C10orf67: variants seen among roughly 807,000 people sequenced by gnomAD.
C10orf67 encodes the protein chromosome 10 open reading frame 67, also known as uncharacterized protein C10orf67, mitochondrial.
Under a neutral mutation model 35.6 loss-of-function variants are expected in C10orf67, and 60 were observed. The observed-to-expected ratio is 1.68, with a 90% CI of 1.37 to 2.09. The LOEUF (loss-of-function observed/expected upper bound fraction) is 2.09, where lower values mean the gene tolerates loss of function less well. C10orf67 is among the 30% of genes most tolerant of loss of function. C10orf67 has a pLI of 0.00. For missense variants in C10orf67, 474 were observed against 330.2 expected (o/e 1.44, Z -3.38); for synonymous variants, 167 against 115.8 (o/e 1.44, Z -2.84).
At chr10:23,333,977 T>C (rs1048738668) in intron 1 of C10orf67, among the ~76,000 whole-genome samples, 1 of 152,130 alleles carries the variant, frequency 6.6e-6, no homozygotes, top group Admixed American at 6.6e-5. Context: ...AAAAATAAAA[T>C]AAAATAAATA....
chr10:23,295,524 A>G (rs1843856321), intron 5 of C10orf67, among the ~76,000 whole-genome samples: 1 of 152,222 alleles, frequency 6.6e-6, no homozygotes, highest in Non-Finnish European at 1.5e-5. Flanking sequence ...ATACATGAAT[A>G]TTTCTTCAAA....
chr10:23,245,737 C>A (rs1588611808), intron 12 of C10orf67, among the ~76,000 whole-genome samples: 1 of 152,044 alleles, frequency 6.6e-6, no homozygotes, highest in Non-Finnish European at 1.5e-5. Context: ...AAAAGGGAAC[C>A]CTTGCACACT....
At chr10:23,267,295 A>C (rs1045571041) in intron 8 of C10orf67, 41 bp from the exon 9 acceptor site, 26 of 667,586 alleles carry the variant, frequency 3.9e-5, no homozygotes, top group Middle Eastern at 2.8e-4. Flanking sequence ...ATTATCTGCA[A>C]AGATTAAAAA....
At chr10:23,263,211 G>T (rs1842798160) in intron 10 of C10orf67, among the ~76,000 whole-genome samples, 1 of 152,170 alleles carries the variant, frequency 6.6e-6, no homozygotes, top group South Asian at 2.1e-4. Context: ...ATGGAATAAT[G>T]AAACAGTAAG....
intron 7 of C10orf67, among the ~76,000 whole-genome samples, chr10:23,283,301 T>C (rs1356254682): frequency 6.6e-6 from 1 of 152,216 alleles, no homozygotes; most frequent in Non-Finnish European, 1.5e-5. Flanking sequence ...TCAATTGCTG[T>C]TTGTGTGTGT....
rs1280105978 is a variant in C10orf67 at position 23,229,789 on chromosome 10, A to G, written c.1435-5971T>C. Among the ~76,000 whole-genome samples the G allele has an allele frequency of 3.3e-5, 5 of 152,194 alleles. No individual in the cohort carries two copies. The South Asian group carries it at 1.0e-3, about 31-fold the overall frequency. On this transcript the variant is annotated intron_variant, in intron 13 of 15. Transcript: ENST00000636213. ...CCTAAGATTACATCTAAAAAAAGGT[A>G]CTTTCAAGACTTCTATAGAGTTATA...
chr10:23,261,144 C>CT (rs1588626251), intron 10 of C10orf67, among the ~76,000 whole-genome samples: 1 of 151,970 alleles, frequency 6.6e-6, no homozygotes, highest in Non-Finnish European at 1.5e-5. Context: ...TAGATAACTT[C>CT]TTTTTCTTTT....
At chr10:23,218,320 T>C (rs1178183623) in intron 15 of C10orf67, among the ~76,000 whole-genome samples, 3 of 150,166 alleles carry the variant, frequency 2.0e-5, no homozygotes, top group African/African-American at 7.4e-5. Flanking sequence ...TTTTTTTTTT[T>C]TTTTTTTTGT....
intron 10 of C10orf67, 137 bp downstream of exon 10, chr10:23,266,125 T>C (rs978500287): frequency 1.5e-5 from 6 of 390,492 alleles, no homozygotes; most frequent in African/African-American, 1.1e-4. Flanking sequence ...GGTTTAGAAA[T>C]AGGCAGCTGG....
chr10:23,234,971 C>T (rs1439274928), intron 13 of C10orf67, among the ~76,000 whole-genome samples: 1 of 130,178 alleles, frequency 7.7e-6, no homozygotes, highest in Non-Finnish European at 1.6e-5. Context: ...GAGATCGCAC[C>T]ATTGCACTCC....
intron 7 of C10orf67, among the ~76,000 whole-genome samples, chr10:23,286,085 G>A (rs1389782788): frequency 6.6e-6 from 1 of 151,984 alleles, no homozygotes; most frequent in Non-Finnish European, 1.5e-5. Context: ...TGAAGAGCTT[G>A]AGAAACATTT....
At chr10:23,302,899 A>G (rs1212839182) in intron 5 of C10orf67, among the ~76,000 whole-genome samples, 1 of 152,074 alleles carries the variant, frequency 6.6e-6, no homozygotes, top group Admixed American at 6.6e-5. Flanking sequence ...TTCTGTTCCA[A>G]GTTGGCTTCT....
At chr10:23,306,432 G>A (rs1366319110) in intron 4 of C10orf67, among the ~76,000 whole-genome samples, 1 of 151,232 alleles carries the variant, frequency 6.6e-6, no homozygotes, top group Non-Finnish European at 1.5e-5. Context: ...GTTGAGGCAG[G>A]AGAATCACTT....
chr10:23,210,340 T>A (rs1350188614), intron 15 of C10orf67, among the ~76,000 whole-genome samples: 1 of 152,182 alleles, frequency 6.6e-6, no homozygotes, highest in Admixed American at 6.5e-5. Context: ...GGTGGTGTTC[T>A]CCAGGACAAA....
At chr10:23,305,691 G>A (rs551474044) in intron 4 of C10orf67, among the ~76,000 whole-genome samples, 8 of 152,170 alleles carry the variant, frequency 5.3e-5, no homozygotes, top group African/African-American at 9.6e-5. Context: ...TATTGGCAAC[G>A]GTATGGAGAA....
intron 1 of C10orf67, 59 bp from the exon 2 acceptor site, chr10:23,333,241 G>A (rs1252406314): frequency 2.8e-6 from 4 of 1,439,760 alleles, no homozygotes; most frequent in Non-Finnish European, 3.8e-6. Flanking sequence ...AGAAATAGAT[G>A]TTAATGCGTC....
Position 23,204,140 on chromosome 10 carries a change from G to T in C10orf67, c.*33C>A. On this transcript the variant is annotated 3_prime_UTR_variant, in exon 16 of 16. Coordinates refer to ENST00000636213, the MANE Select transcript of C10orf67 (RefSeq NM_001371909.1). ...AGGACGGCGAGGCCACTCTTTCTGA[G>T]GCCCCGTCTGCGCAGCCCAGGCTTC... 2 of 491,026 alleles carry T rather than the reference G, an allele frequency of 4.1e-6. No individual in the cohort carries two copies. 30.4% of individuals were successfully genotyped at this position (491,026 alleles called of 1,614,324 possible).
At chr10:23,232,705 A>G (rs952453898) in intron 13 of C10orf67, among the ~76,000 whole-genome samples, 4 of 152,162 alleles carry the variant, frequency 2.6e-5, no homozygotes, top group African/African-American at 4.8e-5. Flanking sequence ...CAAACCAGAA[A>G]AGTTTCCAAA....
At chr10:23,292,005 G>A (rs564463240) in intron 5 of C10orf67, among the ~76,000 whole-genome samples, 3 of 152,136 alleles carry the variant, frequency 2.0e-5, no homozygotes, top group South Asian at 2.1e-4. Context: ...GAAGGTTTCA[G>A]GATAACTTAC....
Sources: allele counts gnomAD v4.1 joint callset (sites outside exome capture counted in the v4.1 genomes callset), GRCh38; gene constraint gnomAD v4.1.1; transcripts MANE v1.5; gene names NCBI Gene and HGNC (gene_info 2026-07-23, HGNC 2026-07-21).